UROS: variants seen among roughly 807,000 people sequenced by gnomAD.
UROS encodes uroporphyrinogen III synthase.
A neutral mutation model predicts 33.0 loss-of-function variants in UROS; 18 were observed. That is an observed-to-expected ratio of 0.55 (90% confidence interval 0.38 to 0.81). The LOEUF is 0.81. Ranked by LOEUF, UROS falls within the 30% of genes least tolerant of loss-of-function variation. The pLI, the probability that UROS is intolerant of heterozygous loss-of-function variation, is 0.00. For synonymous variants in UROS, 114 were observed against 121.1 expected (o/e 0.94, Z 0.38); for missense variants, 293 against 314.9 (o/e 0.93, Z 0.53).
intron 3 of UROS, among the ~76,000 whole-genome samples, chr10:125,815,433 C>A (rs143885675): frequency 2.5e-4 from 38 of 152,268 alleles, no homozygotes; most frequent in African/African-American, 9.1e-4. Context: ...AAGCCTGACG[C>A]AGCCTGGGAT....
rs147841722 is a variant in UROS at position 125,821,414 on chromosome 10, A to C, written c.-27+1615T>G. 3.8e-4 allele frequency among the ~76,000 whole-genome samples: 58 copies of C among 152,346 alleles called. No individual in the cohort carries two copies. In the East Asian group the frequency reaches 8.1e-3, roughly 21 times the overall value. ...AAGAATATTGTGTTACTCCACTTAC[A>C]TGAGGTTTCTAGAATAGTCAAATTA... On this transcript the variant is annotated intron_variant, in intron 1 of 9. Coordinates refer to ENST00000368797, the MANE Select transcript of UROS (RefSeq NM_000375.3).
At chr10:125,806,294 C>G (rs1852325886) in intron 6 of UROS, among the ~76,000 whole-genome samples, 1 of 151,958 alleles carries the variant, frequency 6.6e-6, no homozygotes, top group East Asian at 1.9e-4. Context: ...TTTCAGAAGC[C>G]ATAAAGAGAC....
chr10:125,812,868 G>A (rs1018162432), intron 4 of UROS, among the ~76,000 whole-genome samples: 1 of 152,106 alleles, frequency 6.6e-6, no homozygotes, highest in East Asian at 1.9e-4. Flanking sequence ...ATAGATTAAA[G>A]AAACACAAAG....
chr10:125,796,692 G>A (rs1398471102), intron 7 of UROS: 2 of 793,376 alleles, frequency 2.5e-6, no homozygotes, highest in African/African-American at 3.8e-5. Flanking sequence ...TTAAGCCGTG[G>A]ACTTTCCCAC....
At chr10:125,787,397 T>C (rs1850663814), downstream of UROS, among the ~76,000 whole-genome samples, 1 of 152,162 alleles carries the variant, frequency 6.6e-6, no homozygotes, top group African/African-American at 2.4e-5. Context: ...CTCCAGCCTC[T>C]TCACCATGCA....
At chr10:125,801,104 C>T (rs1351008460) in intron 6 of UROS, among the ~76,000 whole-genome samples, 4 of 152,184 alleles carry the variant, frequency 2.6e-5, no homozygotes, top group East Asian at 1.9e-4. Context: ...CGGGCACTGC[C>T]ATGAGAATCA....
chr10:125,797,917 C>CATGGTCT, intron 7 of UROS, 148 bp downstream of exon 7: 1 of 854,082 alleles, frequency 1.2e-6, no homozygotes, highest in Non-Finnish European at 2.0e-6. Context: ...TTCCCATGAG[C>CATGGTCT]ATGGTCTCTG....
At chr10:125,822,441 G>C (rs1252297312) in intron 1 of UROS, among the ~76,000 whole-genome samples, 1 of 151,912 alleles carries the variant, frequency 6.6e-6, no homozygotes, top group Non-Finnish European at 1.5e-5. Flanking sequence ...TCCTGCCTTA[G>C]CCTCCTGAGT....
In UROS at chr10:125,802,868, C is replaced by T; in HGVS notation, c.394+4545G>A. On this transcript the variant is annotated intron_variant, in intron 6 of 9. Transcript: ENST00000368797. ...CAGGAGGTCCCAGCAGCCCCTTTCC[C>T]TTGGGGCTCAGGCTGGCCTCACCCT... 3 of 1,548,642 alleles carry T rather than the reference C, an allele frequency of 1.9e-6. No homozygotes were observed. The South Asian group carries it at 3.6e-5, about 19-fold the overall frequency.
intron 6 of UROS, among the ~76,000 whole-genome samples, chr10:125,805,031 T>C (rs1412841459): frequency 1.3e-5 from 2 of 151,998 alleles, no homozygotes; most frequent in Non-Finnish European, 2.9e-5. Context: ...GGAAGCAATA[T>C]GGGGGGTGGG....
intron 1 of UROS, among the ~76,000 whole-genome samples, chr10:125,819,589 A>C (rs374305362): frequency 1.3e-4 from 20 of 151,964 alleles, no homozygotes; most frequent in African/African-American, 3.6e-4. Context: ...GCTCTCTGCC[A>C]GTTGATTTCT....
intron 7 of UROS, among the ~76,000 whole-genome samples, chr10:125,797,655 T>C: frequency 6.6e-6 from 1 of 152,170 alleles, no homozygotes; most frequent in East Asian, 1.9e-4. Context: ...GAGGGGCAGG[T>C]GGAGCTTGTG....
chr10:125,788,477 T>C (rs138894454), downstream of UROS: 50 of 1,009,764 alleles, frequency 5.0e-5, no homozygotes, highest in African/African-American at 8.0e-4. Context: ...TAGAGCAAAT[T>C]TTCTGATTCA....
chr10:125,817,224 ATTTTTT>A lies in UROS; in HGVS notation c.-26-705_-26-700del, dbSNP rs11431196. Among the ~76,000 whole-genome samples the A allele has an allele frequency of 1.7e-3, 126 of 74,084 alleles. 2 individuals carry two copies. The East Asian group carries it at 0.027, about 16-fold the overall frequency. 48.6% of individuals were successfully genotyped at this position (74,084 alleles called of 152,430 possible). ...CGGGAAGCTTCTTGTTTATAGATGT[ATTTTTT>A]TTTTTTTTTTTTTTTTTTTTAGAGG... is the stretch of plus-strand genomic sequence containing the variant. On this transcript the variant is annotated intron_variant, in intron 1 of 9. Transcript: ENST00000368797.
chr10:125,821,393 A>G (rs1295531181), intron 1 of UROS, among the ~76,000 whole-genome samples: 1 of 152,264 alleles, frequency 6.6e-6, no homozygotes, highest in Non-Finnish European at 1.5e-5. Context: ...AAAAGGAAGA[A>G]TATTGTGTTA....
chr10:125,812,182 T>G, intron 5 of UROS, 32 bp downstream of exon 5: 1 of 1,597,510 alleles, frequency 6.3e-7, no homozygotes, highest in Non-Finnish European at 8.6e-7. Flanking sequence ...TAAGCCATTT[T>G]TTGTTGTTTT....
At chr10:125,817,224 ATTTTTTTTTT>A (rs11431196) in intron 1 of UROS, among the ~76,000 whole-genome samples, 7 of 74,084 alleles carry the variant, frequency 9.4e-5, no homozygotes, top group Admixed American at 2.0e-4. Context: ...TTATAGATGT[ATTTTTTTTTT>A]TTTTTTTTTT....
At chr10:125,809,962 G>A (rs1037506555) in intron 5 of UROS, among the ~76,000 whole-genome samples, 2 of 152,166 alleles carry the variant, frequency 1.3e-5, no homozygotes, top group African/African-American at 4.8e-5. Context: ...TTCTCTCACT[G>A]GACTTCCACA....
chr10:125,818,607 C>G (rs747798910), intron 1 of UROS, among the ~76,000 whole-genome samples: 1 of 152,080 alleles, frequency 6.6e-6, no homozygotes, highest in African/African-American at 2.4e-5. Flanking sequence ...AATTGAGAAG[C>G]GTGCACAGAT....
Sources: gnomAD v4.1 joint callset for allele counts (sites outside exome capture counted in the v4.1 genomes callset) on GRCh38, gnomAD v4.1.1 for gene constraint, MANE v1.5 for transcripts, NCBI Gene and HGNC (gene_info 2026-07-23, HGNC 2026-07-21) for gene names.